PLD5: variants seen among roughly 807,000 people sequenced by gnomAD.
PLD5 encodes the protein phospholipase D family member 5.
PLD5 carries 36 observed loss-of-function variants against 61.1 expected under a neutral mutation model. The observed-to-expected ratio is 0.59, with a 90% CI of 0.45 to 0.78. PLD5 has a LOEUF of 0.78. Ranked by LOEUF, PLD5 falls within the 30% of genes least tolerant of loss-of-function variation. The probability of loss-of-function intolerance (pLI) is 0.00; values close to 1 mark genes in which losing one functional copy is unlikely to be tolerated. For synonymous variants in PLD5, 243 were observed against 242.8 expected, an observed-to-expected ratio of 1.00 and a Z score of -0.01; for missense variants, 515 against 644.4, an observed-to-expected ratio of 0.80 and a Z score of 2.17.
chr1:242,121,963 G>T, intron 6 of PLD5, among the ~76,000 whole-genome samples: 1 of 106,490 alleles, frequency 9.4e-6, no homozygotes, highest in African/African-American at 3.5e-5. Flanking sequence ...AGGGGGGAGG[G>T]ATAGCATTAG....
chr1:242,469,190 G>A (rs1667365859), intron 1 of PLD5, among the ~76,000 whole-genome samples: 1 of 152,208 alleles, frequency 6.6e-6, no homozygotes, highest in South Asian at 2.1e-4. Flanking sequence ...CTACAAGTGG[G>A]ATTGCTTGTA....
At chr1:242,517,776 CAGT>C (rs1669150353) in intron 1 of PLD5, among the ~76,000 whole-genome samples, 2 of 152,134 alleles carry the variant, frequency 1.3e-5, no homozygotes. Flanking sequence ...GTTAATAACA[CAGT>C]ATATGTCAAA....
chr1:242,135,152 T>C (rs919953228), intron 5 of PLD5, among the ~76,000 whole-genome samples: 1 of 152,342 alleles, frequency 6.6e-6, no homozygotes, highest in South Asian at 2.1e-4. Flanking sequence ...TTATTGTTTG[T>C]GTGTGTATAC....
chr1:242,468,489 A>C (rs1667342313), intron 1 of PLD5, among the ~76,000 whole-genome samples: 1 of 152,230 alleles, frequency 6.6e-6, no homozygotes. Context: ...AATTAATTAA[A>C]TAACTTACTT....
At chr1:242,287,479 G>C (rs1180731432) in intron 3 of PLD5, among the ~76,000 whole-genome samples, 1 of 151,978 alleles carries the variant, frequency 6.6e-6, no homozygotes, top group Non-Finnish European at 1.5e-5. Context: ...CGTGTTTTTT[G>C]TTTTTTGTTT....
intron 7 of PLD5, among the ~76,000 whole-genome samples, chr1:242,110,366 TCAAGTGATTCTC>T (rs1361338852): frequency 6.6e-6 from 1 of 152,052 alleles, no homozygotes; most frequent in East Asian, 1.9e-4. Context: ...TCAGGTACAT[TCAAGTGATTCTC>T]CTGCCTCAGC....
intron 3 of PLD5, among the ~76,000 whole-genome samples, chr1:242,268,987 C>T (rs1292341558): frequency 1.3e-5 from 2 of 152,156 alleles, no homozygotes; most frequent in East Asian, 3.9e-4. Context: ...GCACTACAGG[C>T]ACCTGCCACC....
At chr1:242,376,062 A>G (rs541422977) in intron 1 of PLD5, among the ~76,000 whole-genome samples, 5 of 152,338 alleles carry the variant, frequency 3.3e-5, no homozygotes, top group Admixed American at 3.3e-4. Flanking sequence ...AAACCTGATT[A>G]TATAAATCTA....
chr1:242,343,858 G>C (rs1659980569), intron 2 of PLD5, among the ~76,000 whole-genome samples: 1 of 152,062 alleles, frequency 6.6e-6, no homozygotes, highest in Non-Finnish European at 1.5e-5. Context: ...CTGGCAAATA[G>C]ATGGGAGGAA....
chr1:242,479,485 C>A (rs1244936961), intron 1 of PLD5, among the ~76,000 whole-genome samples: 1 of 152,036 alleles, frequency 6.6e-6, no homozygotes, highest in Non-Finnish European at 1.5e-5. Context: ...TCTCTATAAA[C>A]TGAAAAACCA....
At chr1:242,311,687 T>C (rs573144075) in intron 2 of PLD5, among the ~76,000 whole-genome samples, 5 of 152,316 alleles carry the variant, frequency 3.3e-5, no homozygotes, top group South Asian at 4.1e-4. Context: ...CAGTCTAACT[T>C]GGTGTGGGTC....
chr1:242,497,977 TTTTTTG>T (rs1668427265), intron 1 of PLD5, among the ~76,000 whole-genome samples: 1 of 83,092 alleles, frequency 1.2e-5, no homozygotes, highest in Non-Finnish European at 2.6e-5. Context: ...TTATTTAATT[TTTTTTG>T]AGATGGAGTC....
chr1:242,463,560 A>G (rs1249545709), intron 1 of PLD5, among the ~76,000 whole-genome samples: 1 of 152,036 alleles, frequency 6.6e-6, no homozygotes, highest in African/African-American at 2.4e-5. Flanking sequence ...CCCTCAGCTT[A>G]AGGTCTTCCT....
intron 1 of PLD5, among the ~76,000 whole-genome samples, chr1:242,506,070 T>C (rs191705262): frequency 1.4e-4 from 21 of 152,312 alleles, no homozygotes; most frequent in Admixed American, 1.3e-3. Context: ...TTCTGATACA[T>C]GTTAGACCCA....
intron 8 of PLD5, among the ~76,000 whole-genome samples, chr1:242,106,403 G>T (rs1159510560): frequency 6.6e-6 from 1 of 152,142 alleles, no homozygotes; most frequent in African/African-American, 2.4e-5. Flanking sequence ...GGTTCTCTAT[G>T]AGGCAAGATG....
intron 1 of PLD5, among the ~76,000 whole-genome samples, chr1:242,494,269 G>A (rs1364741886): frequency 6.6e-6 from 1 of 151,996 alleles, no homozygotes; most frequent in Non-Finnish European, 1.5e-5. Context: ...AGGCCCTATA[G>A]AACGCCTGTT....
intron 1 of PLD5, among the ~76,000 whole-genome samples, chr1:242,518,721 T>C (rs1052091709): frequency 3.3e-5 from 5 of 152,248 alleles, no homozygotes; most frequent in Admixed American, 6.5e-5. Flanking sequence ...TATTCAATCA[T>C]CCAGAGCTTC....
intron 2 of PLD5, among the ~76,000 whole-genome samples, chr1:242,329,556 C>A (rs1391653160): frequency 6.8e-6 from 1 of 148,148 alleles, no homozygotes; most frequent in African/African-American, 2.5e-5. Context: ...ACTGCATTCT[C>A]CATCTACACT....
chr1:242,518,590 C>T (rs1237773466), intron 1 of PLD5, among the ~76,000 whole-genome samples: 1 of 152,128 alleles, frequency 6.6e-6, no homozygotes, highest in African/African-American at 2.4e-5. Context: ...AAAACTGTTA[C>T]TTAAGTTTAA....
Sources: allele counts gnomAD v4.1 joint callset (sites outside exome capture counted in the v4.1 genomes callset), GRCh38; gene constraint gnomAD v4.1.1; transcripts MANE v1.5; gene names NCBI Gene and HGNC (gene_info 2026-07-23, HGNC 2026-07-21).